EXOC4: variants seen among roughly 807,000 people sequenced by gnomAD.
EXOC4 encodes the protein exocyst complex component 4, also known as SEC8-like 1.
EXOC4 carries 71 observed loss-of-function variants against 107.2 expected under a neutral mutation model. The observed-to-expected ratio is 0.66, with a 90% CI of 0.55 to 0.81. EXOC4 has a LOEUF of 0.81. Ranked by LOEUF, EXOC4 falls within the 30% of genes least tolerant of loss-of-function variation. EXOC4 has a pLI of 0.00. For synonymous variants in EXOC4, 456 were observed against 441.2 expected (o/e 1.03, Z -0.42); for missense variants, 1,108 against 1,189.6 (o/e 0.93, Z 1.01).
chr7:133,825,505 G>A (rs182351675), intron 11 of EXOC4, among the ~76,000 whole-genome samples: 1 of 152,290 alleles, frequency 6.6e-6, no homozygotes, highest in Admixed American at 6.5e-5. Flanking sequence ...AAAGTTGGTG[G>A]ACACAGCTAC....
At chr7:133,412,514 C>T (rs772429819) in intron 7 of EXOC4, among the ~76,000 whole-genome samples, 4 of 151,842 alleles carry the variant, frequency 2.6e-5, no homozygotes, top group Non-Finnish European at 5.9e-5. Context: ...CCCAGCTCTG[C>T]AACCACACAA....
At chr7:134,073,413 A>T in the EXOC4 span, among the ~76,000 whole-genome samples, 2 of 150,270 alleles carry the variant, frequency 1.3e-5, no homozygotes, top group Non-Finnish European at 3.0e-5. Flanking sequence ...CTGCTTCCTT[A>T]AGCCTGCTTC....
At position 133,656,957 on chromosome 7, in the gene EXOC4, A is replaced by G. The variant is rs180989711; in HGVS notation, c.1514+26816A>G. 2.0e-5 allele frequency among the ~76,000 whole-genome samples: 3 copies of G among 152,316 alleles called. No individual in the cohort carries two copies. In the East Asian group the frequency reaches 5.8e-4, roughly 29 times the overall value. ...CACTTAGGGGAACAAAAGCTCATTT[A>G]TCTAATTTAACATATGCTGTGAAGA... On this transcript the variant is annotated intron_variant, in intron 10 of 17. Coordinates refer to ENST00000253861, the MANE Select transcript of EXOC4 (RefSeq NM_021807.4).
At chr7:133,567,697 A>G (rs910174853) in intron 9 of EXOC4, among the ~76,000 whole-genome samples, 2 of 152,186 alleles carry the variant, frequency 1.3e-5, no homozygotes, top group Non-Finnish European at 2.9e-5. Flanking sequence ...TAGAGACTGG[A>G]AAGTCCCAGA....
intron 11 of EXOC4, among the ~76,000 whole-genome samples, chr7:133,825,042 G>A (rs1001673205): frequency 2.0e-5 from 3 of 152,154 alleles, no homozygotes; most frequent in Admixed American, 6.5e-5. Flanking sequence ...CTCTCTGGCA[G>A]GAAGCAGTGT....
intron 7 of EXOC4, among the ~76,000 whole-genome samples, chr7:133,384,072 G>A (rs907673028): frequency 6.6e-6 from 1 of 152,136 alleles, no homozygotes; most frequent in Non-Finnish European, 1.5e-5. Context: ...CTTCAAGCAG[G>A]AACTGATGAG....
intron 9 of EXOC4, among the ~76,000 whole-genome samples, chr7:133,626,229 G>A (rs1450299407): frequency 6.6e-6 from 1 of 151,898 alleles, no homozygotes; most frequent in Admixed American, 6.6e-5. Flanking sequence ...GTTCCTGACA[G>A]TAGGTCCCAG....
At chr7:133,464,569 A>G (rs1032260928) in intron 7 of EXOC4, among the ~76,000 whole-genome samples, 2 of 152,174 alleles carry the variant, frequency 1.3e-5, no homozygotes, top group African/African-American at 4.8e-5. Flanking sequence ...GAGAGAACTC[A>G]GAGTTGGTGA....
chr7:133,683,089 A>C (rs1463235698), intron 10 of EXOC4, among the ~76,000 whole-genome samples: 1 of 152,106 alleles, frequency 6.6e-6, no homozygotes. Context: ...ACTCTTTTGA[A>C]TGTCATCTCT....
In EXOC4 at chr7:133,658,901, G is replaced by A. The variant is rs1434028774; in HGVS notation, c.1514+28760G>A. On this transcript the variant is annotated intron_variant, in intron 10 of 17. Transcript: ENST00000253861. ...TGTTGATATTGTTGCAAATGATATT[G>A]CATAGGAAAGAAATGATCTTTTGGT... Among the ~76,000 whole-genome samples the A allele has an allele frequency of 2.7e-5, 4 of 149,518 alleles. No homozygotes were observed. In the East Asian group the frequency reaches 6.0e-4, roughly 23 times the overall value.
intron 7 of EXOC4, among the ~76,000 whole-genome samples, chr7:133,454,423 A>G (rs1451767795): frequency 6.6e-6 from 1 of 152,094 alleles, no homozygotes; most frequent in Admixed American, 6.5e-5. Flanking sequence ...CAGCCTCCCA[A>G]GTAGCTGGGA....
At chr7:133,490,915 A>AT (rs1203076135) in intron 9 of EXOC4, among the ~76,000 whole-genome samples, 1 of 152,204 alleles carries the variant, frequency 6.6e-6, no homozygotes, top group Non-Finnish European at 1.5e-5. Flanking sequence ...TTATTATAGC[A>AT]TATTATATTA....
intron 1 of EXOC4, among the ~76,000 whole-genome samples, chr7:133,263,043 C>T (rs898926988): frequency 1.3e-5 from 2 of 152,180 alleles, no homozygotes; most frequent in African/African-American, 4.8e-5. Context: ...CTCTCTCTTG[C>T]CTGCTGCCAT....
intron 10 of EXOC4, among the ~76,000 whole-genome samples, chr7:133,695,976 G>A (rs931746136): frequency 6.6e-6 from 1 of 152,126 alleles, no homozygotes; most frequent in Non-Finnish European, 1.5e-5. Flanking sequence ...TGGTTCAAAT[G>A]TTTTTCATGT....
At chr7:133,876,758 C>G (rs1798858568) in intron 11 of EXOC4, among the ~76,000 whole-genome samples, 1 of 152,070 alleles carries the variant, frequency 6.6e-6, no homozygotes, top group Non-Finnish European at 1.5e-5. Context: ...CAAATTGGGA[C>G]TCAAAAGGCC....
chr7:133,814,135 C>T (rs1032024991), intron 10 of EXOC4, among the ~76,000 whole-genome samples: 3 of 152,132 alleles, frequency 2.0e-5, no homozygotes, highest in African/African-American at 7.2e-5. Context: ...ACTCCTCTCC[C>T]AGACCTGACC....
At chr7:133,363,253 A>G (rs1796172881) in intron 6 of EXOC4, among the ~76,000 whole-genome samples, 1 of 152,212 alleles carries the variant, frequency 6.6e-6, no homozygotes, top group Non-Finnish European at 1.5e-5. Context: ...TGTCCCCTGC[A>G]GCTTAACTGA....
intron 16 of EXOC4, 145 bp downstream of exon 16, chr7:134,005,235 C>G (rs1207521683): frequency 1.3e-6 from 1 of 767,848 alleles, no homozygotes; most frequent in Non-Finnish European, 2.1e-6. Flanking sequence ...AATACCTAGC[C>G]TCTTTGTGTA....
At chr7:133,722,443 G>A (rs1392512439) in intron 10 of EXOC4, among the ~76,000 whole-genome samples, 1 of 152,160 alleles carries the variant, frequency 6.6e-6, no homozygotes, top group African/African-American at 2.4e-5. Context: ...AATGAGAAAT[G>A]CTAAGGAAGC....
Sources: allele counts gnomAD v4.1 joint callset (sites outside exome capture counted in the v4.1 genomes callset), GRCh38; gene constraint gnomAD v4.1.1; transcripts MANE v1.5; gene names NCBI Gene and HGNC (gene_info 2026-07-23, HGNC 2026-07-21).